The following PMFBP1 variants were observed in gnomAD, a reference collection of about 807,000 sequenced individuals.
PMFBP1 encodes polyamine-modulated factor 1-binding protein 1.
Under a neutral mutation model 137.8 loss-of-function variants are expected in PMFBP1, and 131 were observed. The ratio of observed to expected loss-of-function variants is 0.95; its 90% CI spans 0.82 to 1.10. PMFBP1 has a LOEUF of 1.10. Ranked by LOEUF, PMFBP1 falls within the 50% of genes least tolerant of loss-of-function variation. The probability of loss-of-function intolerance (pLI) is 0.00; values close to 1 mark genes in which losing one functional copy is unlikely to be tolerated. For missense variants in PMFBP1, 1,199 were observed against 1,175.4 expected, an observed-to-expected ratio of 1.02 and a Z score of -0.29; for synonymous variants, 490 against 450.4, an observed-to-expected ratio of 1.09 and a Z score of -1.11.
chr16:72,199,006 A>C, the PMFBP1 span, among the ~76,000 whole-genome samples: 3 of 152,216 alleles, frequency 2.0e-5, no homozygotes, highest in Non-Finnish European at 2.9e-5. Flanking sequence ...TTCACTTCCA[A>C]AGATGATATC....
At chr16:72,241,000 G>A in the PMFBP1 span, among the ~76,000 whole-genome samples, 9,470 of 151,942 alleles carry the variant, frequency 0.062, 341 homozygotes, top group Middle Eastern at 0.095. Context: ...TTAAGGGGAG[G>A]AGGGACTACT....
the PMFBP1 span, among the ~76,000 whole-genome samples, chr16:72,198,072 T>C: frequency 1.3e-5 from 2 of 152,292 alleles, no homozygotes. Context: ...GCTTTTCTTT[T>C]CTTTTTGCCT....
chr16:72,248,932 T>A, the PMFBP1 span, among the ~76,000 whole-genome samples: 2 of 152,202 alleles, frequency 1.3e-5, no homozygotes, highest in African/African-American at 4.8e-5. Context: ...GCAGGAAGAA[T>A]TTAGGTCAAT....
chr16:72,154,433 T>C lies in PMFBP1; in HGVS notation c.192A>G (p.Ala64=), dbSNP rs368685634. The C allele has an allele frequency of 1.5e-4, 239 of 1,614,126 alleles. No homozygotes were observed. Among genetic ancestry groups the C allele is most frequent in the Admixed American group, 2.5e-4 (15 of 60,024 alleles). The change falls in exon 4 of 21, where the codon GCA becomes GCG. Residue 64 remains alanine, a synonymous_variant. Coordinates refer to ENST00000237353, the MANE Select transcript of PMFBP1 (RefSeq NM_031293.3). ...CAAATTCCACCTCTGACTCCTCGAA[T>C]GCTAATGCCTGTGCTTGCTTCTTGT... ...SHDKKQAQAL[A]FEESEVEFGS... is the part of the protein sequence containing the mutation.
chr16:72,246,901 A>G, the PMFBP1 span, among the ~76,000 whole-genome samples: 3 of 152,206 alleles, frequency 2.0e-5, no homozygotes, highest in African/African-American at 7.2e-5. Flanking sequence ...AGCAGTATAG[A>G]AATAAAAAGT....
At chr16:72,127,315 G>T (rs1262639026) in intron 14 of PMFBP1, among the ~76,000 whole-genome samples, 1 of 152,158 alleles carries the variant, frequency 6.6e-6, no homozygotes, top group African/African-American at 2.4e-5. Context: ...ATGCCCTGGT[G>T]GTGAAACTAT....
At chr16:72,149,679 C>T (rs549150383) in intron 5 of PMFBP1, among the ~76,000 whole-genome samples, 3 of 152,010 alleles carry the variant, frequency 2.0e-5, no homozygotes, top group Non-Finnish European at 4.4e-5. Context: ...AAAAACTGGC[C>T]GGGCATGGTG....
At chr16:72,134,778 T>C (rs1381644449) in intron 9 of PMFBP1, among the ~76,000 whole-genome samples, 1 of 152,244 alleles carries the variant, frequency 6.6e-6, no homozygotes, top group Non-Finnish European at 1.5e-5. Context: ...TTCAAATCTC[T>C]GCCCAAATGT....
the PMFBP1 span, among the ~76,000 whole-genome samples, chr16:72,219,708 G>T: frequency 2.0e-5 from 3 of 152,152 alleles, no homozygotes; most frequent in African/African-American, 7.2e-5. Flanking sequence ...AAAAGAAGAG[G>T]GATGAGATAC....
chr16:72,178,678 G>A (rs1279596340), upstream of PMFBP1, among the ~76,000 whole-genome samples: 1 of 152,120 alleles, frequency 6.6e-6, no homozygotes, highest in African/African-American at 2.4e-5. Flanking sequence ...TGGGCCAAAG[G>A]TTGGCTCCTG....
the PMFBP1 span, among the ~76,000 whole-genome samples, chr16:72,187,753 A>T: frequency 6.6e-6 from 1 of 152,174 alleles, no homozygotes; most frequent in Non-Finnish European, 1.5e-5. Context: ...TCTGGTGTGG[A>T]TGTGAAATTG....
the PMFBP1 span, among the ~76,000 whole-genome samples, chr16:72,188,952 C>T: frequency 4.6e-5 from 7 of 152,262 alleles, no homozygotes; most frequent in South Asian, 2.1e-4. Context: ...ACCAAGGGAG[C>T]GCAGAGTGCC....
chr16:72,168,178 T>A (rs923074184), intron 2 of PMFBP1, among the ~76,000 whole-genome samples: 5 of 152,238 alleles, frequency 3.3e-5, no homozygotes, highest in Admixed American at 6.5e-5. Flanking sequence ...TTGATGGATG[T>A]CAAGTGAAAT....
intron 3 of PMFBP1, 34 bp from the exon 4 acceptor site, chr16:72,154,493 TAGATCATCACTAAGG>T: frequency 6.2e-7 from 1 of 1,604,734 alleles, no homozygotes. Context: ...AAAAAGGCTT[TAGATCATCACTAAGG>T]ACGTATTCAT....
At chr16:72,242,015 G>A in the PMFBP1 span, among the ~76,000 whole-genome samples, 1 of 152,178 alleles carries the variant, frequency 6.6e-6, no homozygotes, top group African/African-American at 2.4e-5. Flanking sequence ...CACGGTGCTG[G>A]TTGTGTCCTG....
chr16:72,167,176 G>A (rs371135798), intron 2 of PMFBP1, among the ~76,000 whole-genome samples: 4 of 152,184 alleles, frequency 2.6e-5, no homozygotes, highest in Admixed American at 6.5e-5. Flanking sequence ...GAGGGGGGCC[G>A]GAGGACAACG....
rs760495000 is a variant in PMFBP1, at chr16:72,132,853, C to A, written c.1342G>T (p.Ala448Ser). 3.7e-6 allele frequency: 6 copies of A among 1,614,212 alleles called. No homozygotes were observed. The Admixed American group carries it at 1.0e-4, about 27-fold the overall frequency. ...GCCTCCTTGGACTTGTCCTGCTTAG[C>A]CTCCTTGACTGTCATTTCAAGTTCT... ...ATELEMTVKE[A>S]KQDKSKEAEC... Residue 448 changes from alanine (A) to serine (S), a missense_variant, in exon 10 of 21, where the codon GCT becomes TCT. Physicochemically the swap from Ala to Ser is moderately conservative, Grantham distance 99 (BLOSUM62 1). Coordinates refer to ENST00000237353, the MANE Select transcript of PMFBP1 (RefSeq NM_031293.3).
intron 19 of PMFBP1, among the ~76,000 whole-genome samples, chr16:72,121,694 A>G (rs964154854): frequency 1.3e-5 from 2 of 152,168 alleles, no homozygotes; most frequent in Non-Finnish European, 2.9e-5. Flanking sequence ...GTGTGAACAT[A>G]GGTCACTGTA....
chr16:72,127,131 C>G (rs1050427158), intron 14 of PMFBP1, among the ~76,000 whole-genome samples: 1 of 152,206 alleles, frequency 6.6e-6, no homozygotes, highest in Non-Finnish European at 1.5e-5. Context: ...ACACCTGCAT[C>G]TGAAAGTGGC....
Sources: gnomAD v4.1 joint callset for allele counts (sites outside exome capture counted in the v4.1 genomes callset) on GRCh38, gnomAD v4.1.1 for gene constraint, MANE v1.5 for transcripts, NCBI Gene and HGNC (gene_info 2026-07-23, HGNC 2026-07-21) for gene names.